Variants in GRHL2 observed in about 807,000 individuals in gnomAD.
GRHL2 encodes grainyhead like transcription factor 2.
A neutral mutation model predicts 83.8 loss-of-function variants in GRHL2; 21 were observed. That is an observed-to-expected ratio of 0.25 (90% CI 0.18 to 0.36). GRHL2 has a LOEUF of 0.36. Among genes scored for constraint, GRHL2 ranks in the 10% least tolerant of loss-of-function variants. The pLI is 1.00. For synonymous variants in GRHL2, 280 were observed against 278.9 expected (o/e 1.00, Z -0.04); for missense variants, 623 against 781.8 (o/e 0.80, Z 2.42).
At chr8:101,591,832 A>G (rs1812289637) in intron 7 of GRHL2, among the ~76,000 whole-genome samples, 1 of 152,164 alleles carries the variant, frequency 6.6e-6, no homozygotes. Flanking sequence ...TCCTAAGGGC[A>G]TTTGCATTTT....
rs1197211213 is a variant in GRHL2 at position 101,543,325 on chromosome 8, C to T, written c.105C>T (p.Ala35=). The change falls in exon 2 of 16, where the codon GCC becomes GCT. Residue 35 remains alanine, a synonymous_variant. Coordinates refer to ENST00000646743, the MANE Select transcript of GRHL2 (RefSeq NM_024915.4). ...GAGCCTACACCAGTGAGGATGAAGC[C>T]TGGAAGTCATACTTGGAGAATCCCC... ...TRRAYTSEDE[A]WKSYLENPLT... is the part of the protein sequence containing the mutation. 8 of 1,614,000 alleles carry T rather than the reference C, an allele frequency of 5.0e-6. No individual in the cohort carries two copies. Among genetic ancestry groups the T allele is most frequent in the Non-Finnish European group, 5.9e-6 (7 of 1,179,984 alleles).
rs188540656 is a variant in GRHL2, at chr8:101,518,299, C to T, written c.21-24942C>T. ...ATGGTGCATGCACCTGTAATCCCAG[C>T]TACTTGGGAGGCTGAGGTAGGAGAA... On this transcript the variant is annotated intron_variant, in intron 1 of 15. Transcript: ENST00000646743. Among the ~76,000 whole-genome samples, 314 of 152,284 alleles carry T rather than the reference C, an allele frequency of 2.1e-3. 3 individuals are homozygous for T. The highest frequency in any genetic ancestry group is 3.5e-3 in the Non-Finnish European group (236 of 68,018).
chr8:101,597,091 G>A (rs1371075588), intron 7 of GRHL2, among the ~76,000 whole-genome samples: 1 of 152,190 alleles, frequency 6.6e-6, no homozygotes, highest in Non-Finnish European at 1.5e-5. Context: ...AGAAAGTAGA[G>A]AGAAAAAGGG....
chr8:101,503,042 C>T (rs1174996360), intron 1 of GRHL2, among the ~76,000 whole-genome samples: 2 of 152,178 alleles, frequency 1.3e-5, no homozygotes, highest in African/African-American at 4.8e-5. Context: ...TCAGGGCACA[C>T]AATGATCATT....
At chr8:101,605,308 A>T (rs938836176) in intron 8 of GRHL2, among the ~76,000 whole-genome samples, 1 of 152,182 alleles carries the variant, frequency 6.6e-6, no homozygotes, top group African/African-American at 2.4e-5. Flanking sequence ...TCAACATATC[A>T]GGCCCTGCAA....
At chr8:101,674,753 C>G in the GRHL2 span, among the ~76,000 whole-genome samples, 1 of 151,864 alleles carries the variant, frequency 6.6e-6, no homozygotes, top group African/African-American at 2.4e-5. Context: ...GAGACACAAC[C>G]AAAAAAGGGA....
chr8:101,553,603 T>G (rs1344700227), intron 3 of GRHL2, among the ~76,000 whole-genome samples: 5 of 151,220 alleles, frequency 3.3e-5, no homozygotes, highest in African/African-American at 1.2e-4. Flanking sequence ...CTCAGCTACT[T>G]CTTTCAAACT....
chr8:101,600,572 A>G (rs1443682891), intron 8 of GRHL2, among the ~76,000 whole-genome samples: 1 of 152,070 alleles, frequency 6.6e-6, no homozygotes, highest in African/African-American at 2.4e-5. Flanking sequence ...GCTGAACCTG[A>G]TCGGTAAGAG....
At position 101,598,581 on chromosome 8, in the gene GRHL2, ATTTTTTTTTTTTTTT is replaced by A. The variant is rs61519476; in HGVS notation, c.1004-461_1004-447del. Reference sequence around the variant, plus strand: ...AAAAAGCTTTACTGTGGTCTCCTGAATTTTTTTTTTTTTTTTTTTTTTTTTTTTTACTAAAGTACT... The same window carrying A: ...AAAAAGCTTTACTGTGGTCTCCTGAATTTTTTTTTTTTTTACTAAAGTACT... On this transcript the variant is annotated intron_variant, in intron 7 of 15. Coordinates refer to ENST00000646743, the MANE Select transcript of GRHL2 (RefSeq NM_024915.4). Among the ~76,000 whole-genome samples, 4 of 117,646 alleles carry A rather than the reference ATTTTTTTTTTTTTTT, an allele frequency of 3.4e-5. No homozygotes were observed. The South Asian group carries it at 8.8e-4, about 26-fold the overall frequency. 77.2% of individuals were successfully genotyped at this position (117,646 alleles called of 152,430 possible). A position where few individuals can be genotyped will look rare whatever the true frequency, so the allele number is the denominator to read the frequency against.
At chr8:101,678,437 CA>C in the GRHL2 span, among the ~76,000 whole-genome samples, 3 of 152,132 alleles carry the variant, frequency 2.0e-5, no homozygotes, top group Non-Finnish European at 2.9e-5. Context: ...GTCCTACGCC[CA>C]CGGAGTCTCG....
intron 10 of GRHL2, 88 bp from the exon 11 acceptor site, chr8:101,632,138 G>A (rs1813197765): frequency 1.4e-6 from 2 of 1,412,104 alleles, no homozygotes; most frequent in African/African-American, 2.8e-5. Context: ...AGCTTCATAT[G>A]AGAAAATCGT....
At chr8:101,553,045 G>A (rs1165282660) in intron 3 of GRHL2, among the ~76,000 whole-genome samples, 2 of 152,212 alleles carry the variant, frequency 1.3e-5, no homozygotes, top group Admixed American at 6.5e-5. Flanking sequence ...TCAGAGGTGA[G>A]ATGCTGGTAA....
chr8:101,526,436 A>C (rs1357928936), intron 1 of GRHL2, among the ~76,000 whole-genome samples: 2 of 152,156 alleles, frequency 1.3e-5, no homozygotes, highest in Non-Finnish European at 2.9e-5. Flanking sequence ...ATTAGCAAAA[A>C]ATTATATCCA....
chr8:101,528,146 C>T (rs1810845528), intron 1 of GRHL2, among the ~76,000 whole-genome samples: 1 of 152,132 alleles, frequency 6.6e-6, no homozygotes, highest in African/African-American at 2.4e-5. Flanking sequence ...ATCCTCTTCA[C>T]TGCTTTCTTC....
intron 14 of GRHL2, among the ~76,000 whole-genome samples, chr8:101,657,296 G>T (rs1328208936): frequency 1.3e-5 from 2 of 152,174 alleles, no homozygotes; most frequent in East Asian, 3.9e-4. Context: ...AAGGCTGGCT[G>T]AATTGGAATT....
intron 1 of GRHL2, among the ~76,000 whole-genome samples, chr8:101,511,530 T>C (rs934210965): frequency 6.6e-6 from 1 of 152,192 alleles, no homozygotes; most frequent in Non-Finnish European, 1.5e-5. Context: ...GTATTTTTAA[T>C]AGAGATGGGG....
chr8:101,497,120 C>T (rs937667644), intron 1 of GRHL2, among the ~76,000 whole-genome samples: 3 of 152,134 alleles, frequency 2.0e-5, no homozygotes, highest in African/African-American at 7.2e-5. Context: ...GAGTTCTGTT[C>T]CCTACAATGG....
intron 7 of GRHL2, among the ~76,000 whole-genome samples, chr8:101,591,126 G>A (rs557708350): frequency 1.3e-5 from 2 of 152,152 alleles, no homozygotes; most frequent in African/African-American, 4.8e-5. Context: ...GTGATTATAT[G>A]CAAAAGATAA....
At chr8:101,590,272 G>C (rs1402087488) in intron 7 of GRHL2, among the ~76,000 whole-genome samples, 1 of 152,126 alleles carries the variant, frequency 6.6e-6, no homozygotes, top group Non-Finnish European at 1.5e-5. Flanking sequence ...GAGTTCTTGT[G>C]AGTCATTCAG....
Sources: allele counts gnomAD v4.1 joint callset (sites outside exome capture counted in the v4.1 genomes callset), GRCh38; gene constraint gnomAD v4.1.1; transcripts MANE v1.5; gene names NCBI Gene and HGNC (gene_info 2026-07-23, HGNC 2026-07-21).